Variants in RAB27B observed in about 807,000 individuals in gnomAD.
RAB27B encodes ras-related protein Rab-27B.
Under a neutral mutation model 24.6 loss-of-function variants are expected in RAB27B, and 15 were observed. The ratio of observed to expected loss-of-function variants is 0.61; its 90% CI spans 0.41 to 0.94. The LOEUF is 0.94. Among genes scored for constraint, RAB27B ranks in the 40% least tolerant of loss-of-function variants. The pLI, the probability that RAB27B is intolerant of heterozygous loss-of-function variation, is 0.00. For missense variants in RAB27B, 261 were observed against 266.8 expected (o/e 0.98, Z 0.15); for synonymous variants, 105 against 92.5 (o/e 1.14, Z -0.78).
At chr18:54,746,820 TTTC>T (rs1224222280) in intron 2 of RAB27B, among the ~76,000 whole-genome samples, 2 of 152,316 alleles carry the variant, frequency 1.3e-5, no homozygotes, top group Middle Eastern at 3.4e-3. Flanking sequence ...ATGCATAAGA[TTTC>T]TTATTATACT....
chr18:54,860,731 C>T (rs1911978308), intron 1 of RAB27B, among the ~76,000 whole-genome samples: 1 of 152,212 alleles, frequency 6.6e-6, no homozygotes, highest in Non-Finnish European at 1.5e-5. Flanking sequence ...AAATCATGCA[C>T]ATCACAGAAG....
intron 1 of RAB27B, among the ~76,000 whole-genome samples, chr18:54,842,940 A>G (rs1000538418): frequency 6.6e-6 from 1 of 151,884 alleles, no homozygotes; most frequent in Non-Finnish European, 1.5e-5. Context: ...AACTACAGGC[A>G]CCCGTCACCA....
chr18:54,739,488 C>G (rs1273798273), intron 2 of RAB27B, among the ~76,000 whole-genome samples: 1 of 149,170 alleles, frequency 6.7e-6, no homozygotes, highest in South Asian at 2.1e-4. Context: ...GAAAGAAATA[C>G]TACCTTTTTA....
intron 1 of RAB27B, among the ~76,000 whole-genome samples, chr18:54,833,718 C>G (rs1910785008): frequency 6.6e-6 from 1 of 152,094 alleles, no homozygotes; most frequent in African/African-American, 2.4e-5. Flanking sequence ...TCAGTTGAGA[C>G]CTAAAGGTTG....
At chr18:54,880,964 G>T (rs568328616) in intron 3 of RAB27B, among the ~76,000 whole-genome samples, 1 of 152,256 alleles carries the variant, frequency 6.6e-6, no homozygotes, top group Non-Finnish European at 1.5e-5. Context: ...AAGGACATCT[G>T]GCTGTGCAAT....
At chr18:54,762,038 G>A (rs1445487753) in intron 2 of RAB27B, among the ~76,000 whole-genome samples, 1 of 152,180 alleles carries the variant, frequency 6.6e-6, no homozygotes, top group Non-Finnish European at 1.5e-5. Flanking sequence ...AGCAAAGAAG[G>A]AGATGTGAAG....
At chr18:54,841,857 C>T (rs529586540) in intron 1 of RAB27B, among the ~76,000 whole-genome samples, 3 of 152,272 alleles carry the variant, frequency 2.0e-5, no homozygotes, top group Non-Finnish European at 4.4e-5. Context: ...ATATACTATT[C>T]AGTCCAATTT....
At chr18:54,759,583 C>T (rs906962302) in intron 2 of RAB27B, among the ~76,000 whole-genome samples, 7 of 152,190 alleles carry the variant, frequency 4.6e-5, no homozygotes, top group East Asian at 1.9e-4. Flanking sequence ...CAGTCCCTGG[C>T]GAGGGCCACA....
intron 2 of RAB27B, among the ~76,000 whole-genome samples, chr18:54,792,889 G>A (rs1909297209): frequency 1.3e-5 from 2 of 152,186 alleles, no homozygotes; most frequent in Non-Finnish European, 2.9e-5. Flanking sequence ...GCATAATACA[G>A]TCGTTCCTCA....
chr18:54,736,020 A>G (rs1046141867), intron 2 of RAB27B, among the ~76,000 whole-genome samples: 8 of 152,200 alleles, frequency 5.3e-5, no homozygotes, highest in Non-Finnish European at 1.2e-4. Context: ...TAAAAAATGT[A>G]TAATATTACC....
chr18:54,769,148 G>C (rs989171889), intron 2 of RAB27B, among the ~76,000 whole-genome samples: 1 of 152,146 alleles, frequency 6.6e-6, no homozygotes, highest in Non-Finnish European at 1.5e-5. Flanking sequence ...ATCAAAGCAA[G>C]TTAGTTACTT....
At chr18:54,808,176 G>C (rs1909853279) in intron 2 of RAB27B, among the ~76,000 whole-genome samples, 1 of 152,092 alleles carries the variant, frequency 6.6e-6, no homozygotes, top group Admixed American at 6.5e-5. Flanking sequence ...CCTCTAGATA[G>C]GCCCAGTGGT....
intron 1 of RAB27B, among the ~76,000 whole-genome samples, chr18:54,850,499 T>C (rs1911537636): frequency 6.6e-6 from 1 of 151,200 alleles, no homozygotes; most frequent in South Asian, 2.1e-4. Context: ...CCCAAATAGC[T>C]GGGACTACAG....
chr18:54,755,545 A>G (rs1425999620), intron 2 of RAB27B, among the ~76,000 whole-genome samples: 7 of 152,210 alleles, frequency 4.6e-5, no homozygotes, highest in African/African-American at 1.4e-4. Flanking sequence ...ATTAAAGGCC[A>G]TGATAAATTA....
chr18:54,771,413 A>G (rs1908543742), intron 2 of RAB27B, among the ~76,000 whole-genome samples: 3 of 152,176 alleles, frequency 2.0e-5, no homozygotes, highest in East Asian at 1.9e-4. Context: ...TGTGCCATTC[A>G]TGATGAGAAG....
chr18:54,747,181 A>G (rs1910279058), intron 2 of RAB27B, among the ~76,000 whole-genome samples: 1 of 152,132 alleles, frequency 6.6e-6, no homozygotes, highest in African/African-American at 2.4e-5. Context: ...AATCCTATAT[A>G]GCCTCAAGTT....
chr18:54,871,849 CAA>C (rs11388519), intron 1 of RAB27B, among the ~76,000 whole-genome samples: 3,548 of 85,878 alleles, frequency 0.041, 136 homozygotes, highest in African/African-American at 0.14. Flanking sequence ...GACTCCATCT[CAA>C]AAAAAAAAAA....
chr18:54,800,857 A>C (rs1344419442), intron 2 of RAB27B, among the ~76,000 whole-genome samples: 1 of 152,112 alleles, frequency 6.6e-6, no homozygotes, highest in Admixed American at 6.5e-5. Flanking sequence ...CTCAGACTTT[A>C]TTATGCTGTT....
intron 2 of RAB27B, among the ~76,000 whole-genome samples, chr18:54,727,491 C>G (rs1909575614): frequency 6.6e-6 from 1 of 152,140 alleles, no homozygotes; most frequent in Admixed American, 6.5e-5. Context: ...AAGGTCCATT[C>G]TCTTACTTTT....
Sources: allele counts gnomAD v4.1 joint callset (sites outside exome capture counted in the v4.1 genomes callset), GRCh38; gene constraint gnomAD v4.1.1; transcripts MANE v1.5; gene names NCBI Gene and HGNC (gene_info 2026-07-23, HGNC 2026-07-21).